Variants in CFDP1 observed in about 807,000 individuals in gnomAD.
The protein encoded by CFDP1 is heterochromatin-stabilizing protein CFDP1.
Under a neutral mutation model 40.1 loss-of-function variants are expected in CFDP1, and 31 were observed. The observed-to-expected ratio is 0.77, with a 90% CI of 0.58 to 1.04. The LOEUF (loss-of-function observed/expected upper bound fraction) is 1.04. Among genes scored for constraint, CFDP1 ranks in the 50% least tolerant of loss-of-function variants. CFDP1 has a pLI of 0.00. For missense variants in CFDP1, 423 were observed against 343.4 expected, an observed-to-expected ratio of 1.23 and a Z score of -1.83; for synonymous variants, 167 against 120.0, an observed-to-expected ratio of 1.39 and a Z score of -2.56.
chr16:75,419,075 GA>G, intron 1 of CFDP1: 1 of 420,454 alleles, frequency 2.4e-6, no homozygotes, highest in South Asian at 1.7e-5. Context: ...CCCAGGAATT[GA>G]AGGCTACAGT....
chr16:75,349,670 A>T (rs1567653449), intron 5 of CFDP1, among the ~76,000 whole-genome samples: 804 of 8,178 alleles, frequency 0.098, 37 homozygotes, highest in Non-Finnish European at 0.15. Flanking sequence ...AAAAAAAAAA[A>T]AAAAAAAAAA....
chr16:75,415,689 T>C (rs1424856993), intron 1 of CFDP1, among the ~76,000 whole-genome samples: 1 of 152,230 alleles, frequency 6.6e-6, no homozygotes, highest in Non-Finnish European at 1.5e-5. Context: ...ATTGTTGCAG[T>C]GTAGCTGTAG....
intron 1 of CFDP1, chr16:75,418,950 G>A (rs911361863): frequency 4.8e-6 from 1 of 209,478 alleles, no homozygotes; most frequent in South Asian, 5.9e-5. Flanking sequence ...GACCAGCCTG[G>A]GCAACAGAGC....
At chr16:75,346,457 C>T in intron 5 of CFDP1, among the ~76,000 whole-genome samples, 1 of 151,614 alleles carries the variant, frequency 6.6e-6, no homozygotes, top group Admixed American at 6.6e-5. Flanking sequence ...GTGGTGGGTG[C>T]TTGTAGTCCC....
chr16:75,432,689 G>A (rs1056574876), intron 1 of CFDP1, among the ~76,000 whole-genome samples: 2 of 152,190 alleles, frequency 1.3e-5, no homozygotes, highest in African/African-American at 4.8e-5. Flanking sequence ...CAACGAGACG[G>A]TTTGTCTGGG....
intron 5 of CFDP1, among the ~76,000 whole-genome samples, chr16:75,334,049 G>A (rs1006872487): frequency 3.3e-5 from 5 of 152,040 alleles, no homozygotes; most frequent in East Asian, 1.9e-4. Context: ...GAGAGGCTGT[G>A]AGCATTATTA....
intron 4 of CFDP1, among the ~76,000 whole-genome samples, chr16:75,402,979 T>C (rs1449110855): frequency 6.6e-6 from 1 of 152,152 alleles, no homozygotes; most frequent in Non-Finnish European, 1.5e-5. Flanking sequence ...AAATATAAAA[T>C]GTATGTGACA....
chr16:75,398,441 T>A (rs2079016692), intron 4 of CFDP1, among the ~76,000 whole-genome samples: 1 of 152,128 alleles, frequency 6.6e-6, no homozygotes, highest in East Asian at 1.9e-4. Flanking sequence ...TGAATGGGCC[T>A]TCATGGCTGT....
chr16:75,376,748 G>A (rs1040521444), intron 5 of CFDP1, among the ~76,000 whole-genome samples: 1 of 152,118 alleles, frequency 6.6e-6, no homozygotes, highest in African/African-American at 2.4e-5. Flanking sequence ...AACAGGTATG[G>A]GGCAGAAGCG....
intron 1 of CFDP1, among the ~76,000 whole-genome samples, chr16:75,419,932 G>C (rs974197856): frequency 1.3e-5 from 2 of 151,918 alleles, no homozygotes; most frequent in African/African-American, 4.8e-5. Flanking sequence ...TAATAAACTT[G>C]TTTTTACTTT....
chr16:75,376,577 A>C (rs543855685), intron 5 of CFDP1, among the ~76,000 whole-genome samples: 58 of 152,346 alleles, frequency 3.8e-4, no homozygotes, highest in Admixed American at 1.0e-3. Flanking sequence ...TGCCTGGGGC[A>C]AAGAGCATAG....
intron 5 of CFDP1, among the ~76,000 whole-genome samples, chr16:75,333,458 A>G (rs1198517870): frequency 6.6e-6 from 1 of 152,200 alleles, no homozygotes; most frequent in East Asian, 1.9e-4. Flanking sequence ...CGATGGGCAG[A>G]AGGAGGATTA....
chr16:75,374,538 G>T (rs750800759), intron 5 of CFDP1, among the ~76,000 whole-genome samples: 1 of 150,386 alleles, frequency 6.6e-6, no homozygotes, highest in African/African-American at 2.4e-5. Flanking sequence ...TAAAATGGGC[G>T]GGGCATAGTG....
chr16:75,372,271 G>C (rs193104804), intron 5 of CFDP1: 24 of 152,198 alleles, frequency 1.6e-4, no homozygotes, highest in African/African-American at 5.5e-4. Flanking sequence ...TAATCAAAAA[G>C]AAAAACTCAT....
intron 5 of CFDP1, among the ~76,000 whole-genome samples, chr16:75,387,253 G>A (rs1324033634): frequency 6.6e-6 from 1 of 151,716 alleles, no homozygotes; most frequent in Admixed American, 6.6e-5. Context: ...CCATTCTCGT[G>A]CCTCAGCCTC....
At chr16:75,317,584 A>C (rs2078332083) in intron 5 of CFDP1, among the ~76,000 whole-genome samples, 1 of 152,218 alleles carries the variant, frequency 6.6e-6, no homozygotes, top group Non-Finnish European at 1.5e-5. Flanking sequence ...GCTGGGGAGA[A>C]TAATTTATTG....
intron 6 of CFDP1, chr16:75,301,637 C>G (rs1041558159): frequency 7.2e-6 from 1 of 138,656 alleles, no homozygotes; most frequent in African/African-American, 2.7e-5. Flanking sequence ...GGGTGCATGT[C>G]ACTGTACCTG....
intron 2 of CFDP1, 92 bp downstream of exon 2, chr16:75,414,486 G>A: frequency 1.3e-6 from 1 of 754,032 alleles, no homozygotes; most frequent in Non-Finnish European, 2.3e-6. Flanking sequence ...AGAAACTCTG[G>A]CTTCATTAAA....
intron 4 of CFDP1, among the ~76,000 whole-genome samples, 189 bp from the exon 5 acceptor site, chr16:75,395,398 C>G (rs570137686): frequency 6.6e-6 from 1 of 152,194 alleles, no homozygotes; most frequent in Admixed American, 6.5e-5. Context: ...TGGTGACTCA[C>G]GCCTGTACTC....
Sources: allele counts gnomAD v4.1 joint callset (sites outside exome capture counted in the v4.1 genomes callset), GRCh38; gene constraint gnomAD v4.1.1; transcripts MANE v1.5; gene names NCBI Gene and HGNC (gene_info 2026-07-23, HGNC 2026-07-21).